PLSCR4: variants seen among roughly 807,000 people sequenced by gnomAD.
PLSCR4 encodes the protein phospholipid scramblase 4.
In PLSCR4, 25 loss-of-function variants were observed where a neutral mutation model predicts 36.3. The ratio of observed to expected loss-of-function variants is 0.69; its 90% CI spans 0.50 to 0.96. The LOEUF (loss-of-function observed/expected upper bound fraction) is 0.96. Among genes scored for constraint, PLSCR4 ranks in the 40% least tolerant of loss-of-function variants. PLSCR4 has a pLI of 0.00. For synonymous variants in PLSCR4, 122 were observed against 132.9 expected, an observed-to-expected ratio of 0.92 and a Z score of 0.56; for missense variants, 408 against 414.7, an observed-to-expected ratio of 0.98 and a Z score of 0.14.
chr3:146,192,373 AAAG>A lies in PLSCR4; in HGVS notation c.*2035_*2037del, dbSNP rs144883022. 464 of 150,910 alleles carry A rather than the reference AAAG, an allele frequency of 3.1e-3. 5 individuals are homozygous for A. Among genetic ancestry groups the A allele is most frequent in the African/African-American group, 0.011 (444 of 41,354 alleles). 9.3% of individuals were successfully genotyped at this position (150,910 alleles called of 1,614,324 possible). ...CATTGTATATTTATTTAAAAGCCAT[AAAG>A]AATACGAAAAAGCATGAACGCACAA... On this transcript the variant is annotated 3_prime_UTR_variant, in exon 9 of 9. Coordinates refer to ENST00000354952, the MANE Select transcript of PLSCR4 (RefSeq NM_020353.3).
intron 1 of PLSCR4, among the ~76,000 whole-genome samples, chr3:146,224,687 G>A (rs141124207): frequency 0.014 from 2,088 of 151,924 alleles, 49 homozygotes; most frequent in African/African-American, 0.048. Flanking sequence ...GGACCCGAGC[G>A]GGTTGCCAAT....
chr3:146,239,331 A>G (rs2036047298), intron 1 of PLSCR4, among the ~76,000 whole-genome samples: 1 of 152,158 alleles, frequency 6.6e-6, no homozygotes, highest in African/African-American at 2.4e-5. Context: ...AAAACTTACT[A>G]CAAATGTACT....
intron 3 of PLSCR4, among the ~76,000 whole-genome samples, chr3:146,209,715 G>T (rs142714076): frequency 8.6e-5 from 13 of 152,044 alleles, no homozygotes; most frequent in African/African-American, 3.1e-4. Context: ...AAATAACTGG[G>T]TCTTGGTTGT....
chr3:146,218,221 A>G (rs2108281904), intron 3 of PLSCR4, among the ~76,000 whole-genome samples: 1 of 152,286 alleles, frequency 6.6e-6, no homozygotes, highest in East Asian at 1.9e-4. Context: ...TCCTTTAAGA[A>G]TTGTATTTAA....
chr3:146,224,038 G>A (rs191121797), intron 1 of PLSCR4, among the ~76,000 whole-genome samples: 2 of 150,980 alleles, frequency 1.3e-5, no homozygotes, highest in African/African-American at 2.4e-5. Context: ...GAGTTCAAGG[G>A]GTTAGTCATA....
intron 1 of PLSCR4, among the ~76,000 whole-genome samples, chr3:146,237,602 T>C (rs560932861): frequency 6.6e-6 from 1 of 151,894 alleles, no homozygotes; most frequent in South Asian, 2.1e-4. Context: ...AATATGTGGA[T>C]ATTAAACAAG....
chr3:146,210,027 C>T (rs760300308), intron 3 of PLSCR4, among the ~76,000 whole-genome samples: 2 of 152,060 alleles, frequency 1.3e-5, no homozygotes, highest in Non-Finnish European at 2.9e-5. Flanking sequence ...CCAAAACCTA[C>T]AAATGCTTAA....
At chr3:146,204,375 G>A (rs1044460902) in intron 4 of PLSCR4, among the ~76,000 whole-genome samples, 2 of 151,824 alleles carry the variant, frequency 1.3e-5, no homozygotes, top group Non-Finnish European at 2.9e-5. Context: ...CCATTGGGAC[G>A]GCCCTTTATG....
rs1376617416 is a variant in PLSCR4 at position 146,192,927 on chromosome 3, A to T, written c.*1484T>A. The T allele has an allele frequency of 6.6e-6, 1 of 152,176 alleles. No individual in the cohort carries two copies. Among genetic ancestry groups the T allele is most frequent in the Non-Finnish European group, 1.5e-5 (1 of 68,010 alleles). 9.4% of individuals were successfully genotyped at this position (152,176 alleles called of 1,614,324 possible). ...ATAATTAAAAAACAAAGCACCTTTCATTTCAAAAAGAACTGTAGGCTAAGA... is the reference window on the plus strand; with the variant it reads ...ATAATTAAAAAACAAAGCACCTTTCTTTTCAAAAAGAACTGTAGGCTAAGA... On this transcript the variant is annotated 3_prime_UTR_variant, in exon 9 of 9. Transcript: ENST00000354952.
Position 146,196,760 on chromosome 3 carries a change from C to T in PLSCR4, c.658G>A (p.Gly220Ser), listed in dbSNP as rs756820768. The T allele has an allele frequency of 2.5e-6, 4 of 1,613,740 alleles. No individual in the cohort carries two copies. In the African/African-American group the frequency reaches 4.0e-5, roughly 16 times the overall value. Residue 220 changes from glycine (G) to serine (S), a missense_variant, in exon 7 of 9, where the codon GGC (glycine) becomes AGC (serine). Physicochemically the swap from Gly to Ser is moderately conservative, Grantham distance 56. Coordinates refer to ENST00000354952, the MANE Select transcript of PLSCR4 (RefSeq NM_020353.3). ...EVQCPPGVTI[G>S]FVAEHWNLCR... ...AGGTTCCAATGTTCCGCAACAAAGC[C>T]AATGGTGACACCAGGAGGACACTGC...
intron 8 of PLSCR4, among the ~76,000 whole-genome samples, chr3:146,194,759 T>C (rs2033621493): frequency 6.6e-6 from 1 of 152,104 alleles, no homozygotes; most frequent in South Asian, 2.1e-4. Context: ...GAATGGGACA[T>C]CCACTTTAGA....
chr3:146,196,536 T>C, intron 7 of PLSCR4, 96 bp downstream of exon 7: 1 of 1,143,216 alleles, frequency 8.7e-7, no homozygotes, highest in Non-Finnish European at 1.3e-6. Flanking sequence ...ATGTTATTCA[T>C]TCACATTAAA....
intron 3 of PLSCR4, among the ~76,000 whole-genome samples, chr3:146,216,628 T>C (rs2034903596): frequency 6.6e-6 from 1 of 152,098 alleles, no homozygotes; most frequent in African/African-American, 2.4e-5. Flanking sequence ...GTGAAAGTCA[T>C]TAGCTGACGT....
chr3:146,240,475 T>G (rs1046224710), intron 1 of PLSCR4, among the ~76,000 whole-genome samples: 1 of 152,100 alleles, frequency 6.6e-6, no homozygotes, highest in African/African-American at 2.4e-5. Flanking sequence ...CAAGGTGGCA[T>G]GTACCCGTAG....
intron 1 of PLSCR4, among the ~76,000 whole-genome samples, chr3:146,246,220 AT>A (rs1173326191): frequency 6.6e-6 from 1 of 152,266 alleles, no homozygotes; most frequent in East Asian, 1.9e-4. Context: ...ATTTAATTGT[AT>A]CTTTGCATAA....
intron 1 of PLSCR4, among the ~76,000 whole-genome samples, chr3:146,238,710 T>C (rs993694860): frequency 6.6e-6 from 1 of 152,118 alleles, no homozygotes; most frequent in African/African-American, 2.4e-5. Context: ...AAAGACTAAA[T>C]GCTTTCCCTT....
At chr3:146,211,385 T>G (rs1007563084) in intron 3 of PLSCR4, among the ~76,000 whole-genome samples, 1 of 152,164 alleles carries the variant, frequency 6.6e-6, no homozygotes, top group African/African-American at 2.4e-5. Flanking sequence ...TTTTGCCTAC[T>G]TTAAAACTGA....
intron 6 of PLSCR4, 121 bp from the exon 7 acceptor site, chr3:146,196,914 G>A: frequency 2.4e-6 from 2 of 837,166 alleles, no homozygotes; most frequent in South Asian, 3.8e-5. Context: ...ATTATTGTTG[G>A]GAGTGACAGC....
chr3:146,231,541 A>G (rs772540795), intron 1 of PLSCR4, among the ~76,000 whole-genome samples: 8 of 152,184 alleles, frequency 5.3e-5, no homozygotes, highest in Non-Finnish European at 1.2e-4. Context: ...TGACATTTTA[A>G]TAATAGCCAT....
Sources: allele counts gnomAD v4.1 joint callset (sites outside exome capture counted in the v4.1 genomes callset), GRCh38; gene constraint gnomAD v4.1.1; transcripts MANE v1.5; gene names NCBI Gene and HGNC (gene_info 2026-07-23, HGNC 2026-07-21).